The following AP2B1 variants were observed in gnomAD, a reference collection of about 807,000 sequenced individuals.
AP2B1 encodes adaptor related protein complex 2 subunit beta 1.
AP2B1 carries 23 observed loss-of-function variants against 102.0 expected under a neutral mutation model. That is an observed-to-expected ratio of 0.23 (90% CI 0.16 to 0.32). AP2B1 has a LOEUF of 0.32. AP2B1 is among the 10% of genes least tolerant of loss of function. The pLI is 1.00. For synonymous variants in AP2B1, 381 were observed against 421.2 expected, an observed-to-expected ratio of 0.90 and a Z score of 1.17; for missense variants, 541 against 1,157.4, an observed-to-expected ratio of 0.47 and a Z score of 7.73.
At position 35,724,033 on chromosome 17, in the gene AP2B1, C is replaced by T. The variant is rs141919698; in HGVS notation, c.*334C>T. On this transcript the variant is annotated 3_prime_UTR_variant, in exon 22 of 22. Transcript: ENST00000610402. ...GTTTGGTATTTTGTAATTGAGAGCT[C>T]ATTTCAAAAGCAGAAAAAGACAACA... 4.1e-3 allele frequency: 1,003 copies of T among 242,978 alleles called. 4 individuals carry two copies. Among genetic ancestry groups the T allele is most frequent in the Non-Finnish European group, 6.0e-3 (753 of 125,248 alleles). The allele number at this position is 242,978 out of a possible 1,614,324, so 15.1% of individuals were successfully genotyped here.
chr17:35,625,729 G>T (rs1422824953), intron 6 of AP2B1, among the ~76,000 whole-genome samples: 14 of 152,040 alleles, frequency 9.2e-5, no homozygotes, highest in Non-Finnish European at 4.4e-5. Context: ...AGAAAGTAAA[G>T]TAGAGAAGAA....
intron 12 of AP2B1, among the ~76,000 whole-genome samples, chr17:35,647,623 A>G (rs1246781055): frequency 6.6e-6 from 1 of 152,114 alleles, no homozygotes; most frequent in Non-Finnish European, 1.5e-5. Context: ...GCTGTATTGC[A>G]ATGTTCTATA....
intron 3 of AP2B1, among the ~76,000 whole-genome samples, chr17:35,602,495 T>C (rs2073523462): frequency 6.6e-6 from 1 of 152,370 alleles, no homozygotes; most frequent in South Asian, 2.1e-4. Context: ...GTGAACCACA[T>C]ATGTAATTTT....
chr17:35,663,353 T>C (rs2075397551), intron 14 of AP2B1, among the ~76,000 whole-genome samples: 1 of 152,256 alleles, frequency 6.6e-6, no homozygotes, highest in South Asian at 2.1e-4. Context: ...TTATAATTTC[T>C]AATCCTCAGA....
chr17:35,591,802 C>G (rs186563225), intron 1 of AP2B1, among the ~76,000 whole-genome samples: 5 of 152,262 alleles, frequency 3.3e-5, no homozygotes, highest in African/African-American at 1.2e-4. Context: ...TTATAACATT[C>G]TTTGAATTTT....
chr17:35,665,610 G>A (rs554323129), intron 14 of AP2B1, among the ~76,000 whole-genome samples: 15 of 152,310 alleles, frequency 9.8e-5, no homozygotes, highest in Non-Finnish European at 1.6e-4. Context: ...GGGAATCATT[G>A]TATACTATTT....
chr17:35,627,359 C>T, intron 7 of AP2B1, 26 bp from the exon 8 acceptor site: 2 of 1,566,360 alleles, frequency 1.3e-6, no homozygotes, highest in Non-Finnish European at 1.7e-6. Flanking sequence ...CTTCACCTTC[C>T]TTTCTTCTGT....
chr17:35,631,496 G>T (rs1820695102), intron 9 of AP2B1, among the ~76,000 whole-genome samples: 1 of 151,730 alleles, frequency 6.6e-6, no homozygotes, highest in Non-Finnish European at 1.5e-5. Context: ...TCTATACAAA[G>T]ATGTATTTTT....
intron 3 of AP2B1, among the ~76,000 whole-genome samples, chr17:35,599,031 T>C (rs1242860661): frequency 6.6e-6 from 1 of 152,248 alleles, no homozygotes; most frequent in Admixed American, 6.5e-5. Context: ...ATGGTAGTCA[T>C]TGTATTCCTT....
At chr17:35,713,570 G>T (rs1320351818) in intron 20 of AP2B1, among the ~76,000 whole-genome samples, 1 of 152,132 alleles carries the variant, frequency 6.6e-6, no homozygotes, top group Non-Finnish European at 1.5e-5. Flanking sequence ...CTTTCCAGCT[G>T]ATCTGCCCTA....
intron 13 of AP2B1, among the ~76,000 whole-genome samples, chr17:35,656,008 G>T (rs2075209993): frequency 6.6e-6 from 1 of 152,162 alleles, no homozygotes; most frequent in Non-Finnish European, 1.5e-5. Flanking sequence ...CAAGTCCTTT[G>T]TTAGTTATAT....
intron 3 of AP2B1, among the ~76,000 whole-genome samples, chr17:35,603,240 G>GT (rs2073550444): frequency 6.6e-6 from 1 of 151,992 alleles, no homozygotes; most frequent in African/African-American, 2.4e-5. Context: ...ACCTACATTT[G>GT]TTTTTTCTTT....
intron 14 of AP2B1, among the ~76,000 whole-genome samples, chr17:35,664,430 T>A (rs961516323): frequency 1.3e-5 from 2 of 152,012 alleles, no homozygotes; most frequent in East Asian, 3.9e-4. Context: ...TGGGTGTTCA[T>A]TTTTTTTCCT....
intron 18 of AP2B1, among the ~76,000 whole-genome samples, chr17:35,700,032 G>A (rs756335177): frequency 3.9e-5 from 6 of 152,080 alleles, no homozygotes; most frequent in Non-Finnish European, 8.8e-5. Context: ...GGAGGTCAAG[G>A]CTGCAGTGAG....
Position 35,723,951 on chromosome 17 carries a change from T to TG in AP2B1, c.*255dup. 4.9e-6 allele frequency: 2 copies of TG among 409,096 alleles called. No homozygotes were observed. The highest frequency in any genetic ancestry group is 8.9e-6 in the Non-Finnish European group (2 of 225,802). The allele number at this position is 409,096 out of a possible 1,614,324, so 25.3% of individuals were successfully genotyped here. A position where few individuals can be genotyped will look rare whatever the true frequency, so the allele number is the denominator to read the frequency against. The stretch of plus-strand genomic sequence containing the variant: ...TGCTGCTGCTATCTGTCCTTACTTG[T>TG]GGGCTTCTCCATGCTGTGCCAATGG... On this transcript the variant is annotated 3_prime_UTR_variant, in exon 22 of 22. Transcript: ENST00000610402.
intron 11 of AP2B1, among the ~76,000 whole-genome samples, chr17:35,641,291 A>G (rs1197742759): frequency 6.6e-6 from 1 of 152,206 alleles, no homozygotes; most frequent in African/African-American, 2.4e-5. Flanking sequence ...AAGAAATACA[A>G]GCCAGGCTCG....
At chr17:35,662,532 G>GTTTTTTTTTTTTTTTTTTTT (rs34547701) in intron 14 of AP2B1, among the ~76,000 whole-genome samples, 3 of 110,106 alleles carry the variant, frequency 2.7e-5, no homozygotes, top group Non-Finnish European at 3.8e-5. Flanking sequence ...GTTTGGGTTT[G>GTTTTTTTTTTTTTTTTTTTT]TTTTTTTTTT....
At chr17:35,664,543 T>C (rs1333097774) in intron 14 of AP2B1, among the ~76,000 whole-genome samples, 1 of 152,210 alleles carries the variant, frequency 6.6e-6, no homozygotes, top group East Asian at 1.9e-4. Context: ...TTTTCCCTAA[T>C]AAAATGATTC....
At chr17:35,617,957 A>G (rs1251411513) in intron 5 of AP2B1, among the ~76,000 whole-genome samples, 9 of 152,166 alleles carry the variant, frequency 5.9e-5, no homozygotes. Flanking sequence ...TAAACCACTT[A>G]AGTAATGAAT....
Sources: gnomAD v4.1 joint callset for allele counts (sites outside exome capture counted in the v4.1 genomes callset) on GRCh38, gnomAD v4.1.1 for gene constraint, MANE v1.5 for transcripts, NCBI Gene and HGNC (gene_info 2026-07-23, HGNC 2026-07-21) for gene names.